Variants in CHN2 observed in about 807,000 individuals in gnomAD.
CHN2 encodes chimerin 2, also known as beta-chimaerin.
Under a neutral mutation model 56.3 loss-of-function variants are expected in CHN2, and 35 were observed. The observed-to-expected ratio is 0.62, with a 90% CI of 0.47 to 0.82. The LOEUF (loss-of-function observed/expected upper bound fraction) is 0.82. Ranked by LOEUF, CHN2 falls within the 40% of genes least tolerant of loss-of-function variation. The probability of loss-of-function intolerance (pLI) is 0.00; values close to 1 mark genes in which losing one functional copy is unlikely to be tolerated. For missense variants in CHN2, 491 were observed against 580.5 expected (o/e 0.85, Z 1.58); for synonymous variants, 210 against 212.8 (o/e 0.99, Z 0.12).
At chr7:29,206,547 T>A (rs993715513) in intron 1 of CHN2, among the ~76,000 whole-genome samples, 10 of 152,200 alleles carry the variant, frequency 6.6e-5, no homozygotes, top group Non-Finnish European at 1.3e-4. Context: ...CCCAGAGTGC[T>A]GGGATTACAA....
intron 1 of CHN2, among the ~76,000 whole-genome samples, chr7:29,283,564 C>T (rs777440593): frequency 2.6e-5 from 4 of 152,114 alleles, no homozygotes; most frequent in East Asian, 1.9e-4. Flanking sequence ...AAAAGGGAGA[C>T]GTCCGGGATG....
At chr7:29,166,537 T>G (rs1795938254) in intron 2 of CHN2, among the ~76,000 whole-genome samples, 1 of 152,176 alleles carries the variant, frequency 6.6e-6, no homozygotes, top group Non-Finnish European at 1.5e-5. Context: ...CTTTAATAAC[T>G]TTAATAGCTA....
chr7:29,359,190 C>T (rs1162845068), intron 2 of CHN2, among the ~76,000 whole-genome samples: 1 of 152,108 alleles, frequency 6.6e-6, no homozygotes, highest in African/African-American at 2.4e-5. Context: ...AATCAGGACT[C>T]ACTACTGGAA....
At chr7:29,301,679 C>A (rs1585004871) in intron 1 of CHN2, among the ~76,000 whole-genome samples, 1 of 152,240 alleles carries the variant, frequency 6.6e-6, no homozygotes, top group South Asian at 2.1e-4. Flanking sequence ...TCATCTATGG[C>A]ATATGAATTA....
At chr7:29,174,348 A>C (rs1489105915) in intron 2 of CHN2, among the ~76,000 whole-genome samples, 1 of 152,208 alleles carries the variant, frequency 6.6e-6, no homozygotes, top group Non-Finnish European at 1.5e-5. Flanking sequence ...GGACAGAAGC[A>C]AAAGTCATCA....
chr7:29,384,367 A>G (rs4722904), intron 3 of CHN2, among the ~76,000 whole-genome samples: 1 of 152,114 alleles, frequency 6.6e-6, no homozygotes, highest in African/African-American at 2.4e-5. Flanking sequence ...CTGCCTCTGC[A>G]TGATCTTCAA....
intron 1 of CHN2, among the ~76,000 whole-genome samples, chr7:29,284,197 G>A (rs1406920519): frequency 6.6e-6 from 1 of 152,050 alleles, no homozygotes; most frequent in Non-Finnish European, 1.5e-5. Flanking sequence ...CTGGGTTCAA[G>A]CGATTCTCCT....
At chr7:29,273,624 A>C (rs1278495924) in intron 1 of CHN2, among the ~76,000 whole-genome samples, 1 of 151,790 alleles carries the variant, frequency 6.6e-6, no homozygotes, top group Admixed American at 6.6e-5. Context: ...GTACCAGTCT[A>C]CATTCCCCCC....
At chr7:29,457,768 G>GCAGTGCGCGCTTCCATTT (rs1284487777) in intron 6 of CHN2, among the ~76,000 whole-genome samples, 6 of 152,142 alleles carry the variant, frequency 3.9e-5, no homozygotes, top group Admixed American at 2.0e-4. Flanking sequence ...TCCTGACATG[G>GCAGTGCGCGCTTCCATTT]CAGTGCGCGC....
chr7:29,477,638 T>C (rs1786703447), intron 6 of CHN2, among the ~76,000 whole-genome samples: 1 of 152,250 alleles, frequency 6.6e-6, no homozygotes, highest in Non-Finnish European at 1.5e-5. Context: ...TGGGAAGCCC[T>C]GCAAAGGTAT....
intron 1 of CHN2, chr7:29,213,091 G>A: frequency 6.2e-7 from 1 of 1,603,830 alleles, no homozygotes; most frequent in Non-Finnish European, 8.5e-7. Context: ...TGACTTGGAG[G>A]CTGCCTTGGA....
intron 1 of CHN2, chr7:29,199,551 ATC>A (rs1187929158): frequency 6.6e-6 from 1 of 152,220 alleles, no homozygotes; most frequent in East Asian, 1.9e-4. Context: ...TTAAAATATA[ATC>A]TCAAATAAAA....
At chr7:29,509,239 A>T in intron 11 of CHN2, 62 bp from the exon 12 acceptor site, 1 of 1,257,348 alleles carries the variant, frequency 8.0e-7, no homozygotes, top group Non-Finnish European at 1.2e-6. Flanking sequence ...ACTTCTTGTT[A>T]CTTCTCTGAA....
At chr7:29,424,779 G>A (rs909224040) in intron 6 of CHN2, among the ~76,000 whole-genome samples, 24 of 152,160 alleles carry the variant, frequency 1.6e-4, no homozygotes, top group African/African-American at 5.3e-4. Context: ...CTCGTCCACC[G>A]CGCTGCCTTC....
chr7:29,248,259 T>C (rs959345711), intron 1 of CHN2, among the ~76,000 whole-genome samples: 1 of 152,224 alleles, frequency 6.6e-6, no homozygotes, highest in Non-Finnish European at 1.5e-5. Context: ...TGACATGTGC[T>C]ATCGGACCAG....
chr7:29,430,789 C>CAAA lies in CHN2; in HGVS notation c.576+29981_576+29983dup, dbSNP rs72339566. Among the ~76,000 whole-genome samples the CAAA allele has an allele frequency of 5.3e-4, 60 of 113,692 alleles. 1 individual carries two copies. In the Middle Eastern group the frequency reaches 0.012, roughly 23 times the overall value. 74.6% of individuals were successfully genotyped at this position (113,692 alleles called of 152,430 possible). ...AAGCAGAGGGTAAGAAAGATGATAGCAAAAAAAAAAAAAAAAAAAAAAGGG... is the reference window on the plus strand; with the variant it reads ...AAGCAGAGGGTAAGAAAGATGATAGCAAAAAAAAAAAAAAAAAAAAAAAAAGGG... On this transcript the variant is annotated intron_variant, in intron 6 of 12. Transcript: ENST00000222792.
chr7:29,270,642 G>A (rs937472879), intron 1 of CHN2, among the ~76,000 whole-genome samples: 7 of 150,830 alleles, frequency 4.6e-5, no homozygotes, highest in African/African-American at 1.2e-4. Flanking sequence ...CCAGCCTTGG[G>A]CAACAGAGCA....
chr7:29,301,781 T>C (rs1011479997), intron 1 of CHN2, among the ~76,000 whole-genome samples: 1 of 152,252 alleles, frequency 6.6e-6, no homozygotes, highest in African/African-American at 2.4e-5. Flanking sequence ...GTGCTTGTTA[T>C]CATGGTGGTA....
chr7:29,213,546 A>C (rs1785118802), intron 1 of CHN2, among the ~76,000 whole-genome samples: 1 of 152,230 alleles, frequency 6.6e-6, no homozygotes, highest in Non-Finnish European at 1.5e-5. Context: ...TCTAACCTCA[A>C]GAATAAGAAA....
Sources: allele counts gnomAD v4.1 joint callset (sites outside exome capture counted in the v4.1 genomes callset), GRCh38; gene constraint gnomAD v4.1.1; transcripts MANE v1.5; gene names NCBI Gene and HGNC (gene_info 2026-07-23, HGNC 2026-07-21).